Variants in MACROD2 observed in about 807,000 individuals in gnomAD.
MACROD2 encodes mono-ADP ribosylhydrolase 2.
MACROD2 carries 36 observed loss-of-function variants against 70.4 expected under a neutral mutation model. The observed-to-expected ratio is 0.51, with a 90% CI of 0.39 to 0.68. The LOEUF is 0.68. Among genes scored for constraint, MACROD2 ranks in the 30% least tolerant of loss-of-function variants. The pLI is 0.00. For missense variants in MACROD2, 496 were observed against 538.4 expected, an observed-to-expected ratio of 0.92 and a Z score of 0.78; for synonymous variants, 172 against 178.8, an observed-to-expected ratio of 0.96 and a Z score of 0.30.
At chr20:14,046,757 TAAGC>T (rs1245791433) in intron 2 of MACROD2, among the ~76,000 whole-genome samples, 1 of 148,926 alleles carries the variant, frequency 6.7e-6, no homozygotes, top group Non-Finnish European at 1.5e-5. Context: ...ATTTATTTAT[TAAGC>T]TGTTTGTGAT....
chr20:14,087,354 C>T (rs2054090418), intron 3 of MACROD2, among the ~76,000 whole-genome samples: 1 of 151,808 alleles, frequency 6.6e-6, no homozygotes, highest in South Asian at 2.1e-4. Context: ...AGAGATCATA[C>T]CACTGCACTC....
intron 6 of MACROD2, among the ~76,000 whole-genome samples, chr20:15,340,819 C>T (rs1383012199): frequency 6.6e-6 from 1 of 151,952 alleles, no homozygotes; most frequent in African/African-American, 2.4e-5. Context: ...CTTCTGTTCA[C>T]ATGGTCTTTC....
chr20:14,419,254 G>A (rs1050793557), intron 3 of MACROD2, among the ~76,000 whole-genome samples: 9 of 151,966 alleles, frequency 5.9e-5, no homozygotes, highest in African/African-American at 1.4e-4. Context: ...GGGTTTCTCC[G>A]TGTTGGTTAG....
intron 8 of MACROD2, among the ~76,000 whole-genome samples, chr20:15,535,644 A>G (rs969989225): frequency 6.6e-6 from 1 of 152,160 alleles, no homozygotes; most frequent in African/African-American, 2.4e-5. Flanking sequence ...AGTGAGCCAC[A>G]ATGGATGGTT....
In MACROD2 at chr20:15,815,413, C is replaced by T. The variant is rs867143847; in HGVS notation, c.646-47332C>T. 6.5e-4 allele frequency among the ~76,000 whole-genome samples: 96 copies of T among 147,502 alleles called. 1 individual carries two copies. The Middle Eastern group carries it at 0.01, about 16-fold the overall frequency. On this transcript the variant is annotated intron_variant, in intron 8 of 17. Coordinates refer to ENST00000684519, the MANE Select transcript of MACROD2 (RefSeq NM_001351661.2). ...GTTTTTAAATGGCAAAACAATAGTTCTTTTTTTTTTTAATGTAGTCTAAAA... is the reference window on the plus strand; with the variant it reads ...GTTTTTAAATGGCAAAACAATAGTTTTTTTTTTTTTTAATGTAGTCTAAAA...
At chr20:15,225,530 T>C (rs1171052891) in intron 5 of MACROD2, among the ~76,000 whole-genome samples, 2 of 152,238 alleles carry the variant, frequency 1.3e-5, no homozygotes, top group Non-Finnish European at 2.9e-5. Context: ...TGCTAGTTTA[T>C]CCTTCCAGAG....
intron 8 of MACROD2, among the ~76,000 whole-genome samples, chr20:15,500,386 C>T (rs1157703395): frequency 1.4e-4 from 22 of 152,168 alleles, no homozygotes. Flanking sequence ...ATTCATCATC[C>T]TCCTATTCTG....
intron 5 of MACROD2, among the ~76,000 whole-genome samples, chr20:15,062,924 A>G (rs995376202): frequency 6.6e-6 from 1 of 152,228 alleles, no homozygotes; most frequent in African/African-American, 2.4e-5. Context: ...GAAAACCTCC[A>G]TTATTGCCAG....
At chr20:14,761,774 T>G (rs1428124957) in intron 5 of MACROD2, among the ~76,000 whole-genome samples, 2 of 152,132 alleles carry the variant, frequency 1.3e-5, no homozygotes, top group Non-Finnish European at 2.9e-5. Flanking sequence ...CTACTTGCCC[T>G]TGGGTCTAAG....
intron 6 of MACROD2, among the ~76,000 whole-genome samples, chr20:15,389,883 G>A (rs991779158): frequency 6.6e-6 from 1 of 152,060 alleles, no homozygotes; most frequent in Non-Finnish European, 1.5e-5. Context: ...AATGTTCCTG[G>A]TACTAATTTG....
intron 3 of MACROD2, among the ~76,000 whole-genome samples, chr20:14,394,678 G>A (rs1301799183): frequency 1.3e-5 from 2 of 151,986 alleles, no homozygotes; most frequent in African/African-American, 4.8e-5. Flanking sequence ...CCTAATCTCA[G>A]GGGTAAAGCT....
intron 7 of MACROD2, among the ~76,000 whole-genome samples, chr20:15,458,641 A>C (rs2327920): frequency 7.8e-6 from 1 of 128,750 alleles, no homozygotes; most frequent in Admixed American, 7.3e-5. Context: ...TTTTTTTTTA[A>C]AAAAAAAAAA....
chr20:15,863,270 C>G (rs2064449760), intron 9 of MACROD2, among the ~76,000 whole-genome samples: 2 of 152,116 alleles, frequency 1.3e-5, no homozygotes, highest in Non-Finnish European at 2.9e-5. Context: ...CATTCCATCC[C>G]TATTCCTTCC....
intron 3 of MACROD2, among the ~76,000 whole-genome samples, chr20:14,195,546 G>A (rs1489193112): frequency 6.6e-6 from 1 of 151,994 alleles, no homozygotes; most frequent in African/African-American, 2.4e-5. Context: ...ACCTTGGTCT[G>A]CCACGCCCGC....
chr20:15,636,257 G>A (rs929632238), intron 8 of MACROD2, among the ~76,000 whole-genome samples: 1 of 152,038 alleles, frequency 6.6e-6, no homozygotes, highest in Non-Finnish European at 1.5e-5. Flanking sequence ...TCAAGTGCTT[G>A]AGGTCTATAA....
intron 3 of MACROD2, among the ~76,000 whole-genome samples, chr20:14,284,487 A>T (rs755578642): frequency 5.9e-5 from 9 of 152,150 alleles, no homozygotes; most frequent in Non-Finnish European, 1.2e-4. Context: ...ACATCTGAAA[A>T]CTCAGCATGT....
intron 7 of MACROD2, among the ~76,000 whole-genome samples, chr20:15,462,908 C>A (rs1239124900): frequency 6.6e-6 from 1 of 152,040 alleles, no homozygotes; most frequent in African/African-American, 2.4e-5. Flanking sequence ...AGGGTTTTTT[C>A]CCCTAATATC....
Position 14,817,769 on chromosome 20 carries a change from C to T in MACROD2, c.418+132810C>T, listed in dbSNP as rs181525061. ...ACCATGTCTCAGAGTTAAGGGACAA[C>T]GGAGGTAGGATATTTATGCACCAAC... On this transcript the variant is annotated intron_variant, in intron 5 of 17. Coordinates refer to ENST00000684519, the MANE Select transcript of MACROD2 (RefSeq NM_001351661.2). Among the ~76,000 whole-genome samples the T allele has an allele frequency of 7.9e-5, 12 of 152,232 alleles. No individual in the cohort carries two copies. In the East Asian group the frequency reaches 1.4e-3, roughly 17 times the overall value.
At chr20:14,051,976 T>C in intron 2 of MACROD2, 1 of 511,698 alleles carries the variant, frequency 2.0e-6, no homozygotes. Context: ...AAAGAGTGCC[T>C]GAGGATCCTT....
Sources: gnomAD v4.1 joint callset for allele counts (sites outside exome capture counted in the v4.1 genomes callset) on GRCh38, gnomAD v4.1.1 for gene constraint, MANE v1.5 for transcripts, NCBI Gene and HGNC (gene_info 2026-07-23, HGNC 2026-07-21) for gene names.